Variants in CNTN5 observed in about 807,000 individuals in gnomAD.
The protein encoded by CNTN5 is contactin-5.
In CNTN5, 77 loss-of-function variants were observed where a neutral mutation model predicts 129.1. The ratio of observed to expected loss-of-function variants is 0.60; its 90% CI spans 0.50 to 0.72. The LOEUF is 0.72. Ranked by LOEUF, CNTN5 falls within the 30% of genes least tolerant of loss-of-function variation. The pLI is 0.00. For synonymous variants in CNTN5, 509 were observed against 465.6 expected (o/e 1.09, Z -1.20); for missense variants, 1,478 against 1,328.8 (o/e 1.11, Z -1.75).
At chr11:99,592,045 A>G (rs184892817) in intron 3 of CNTN5, among the ~76,000 whole-genome samples, 39 of 152,346 alleles carry the variant, frequency 2.6e-4, no homozygotes, top group African/African-American at 8.4e-4. Context: ...ACTGTTTACT[A>G]AAGGGTGAAG....
intron 15 of CNTN5, among the ~76,000 whole-genome samples, chr11:100,222,181 G>A (rs1023585326): frequency 6.6e-6 from 1 of 152,160 alleles, no homozygotes; most frequent in African/African-American, 2.4e-5. Context: ...GGCCCAAAAT[G>A]AGACGATTTT....
At chr11:99,152,668 G>A (rs1447418903) in intron 1 of CNTN5, among the ~76,000 whole-genome samples, 4 of 152,210 alleles carry the variant, frequency 2.6e-5, no homozygotes, top group African/African-American at 9.6e-5. Context: ...GATATGTGCA[G>A]ATTTGATCCT....
At chr11:99,403,523 G>T (rs1313764187) in intron 2 of CNTN5, among the ~76,000 whole-genome samples, 1 of 151,880 alleles carries the variant, frequency 6.6e-6, no homozygotes, top group Non-Finnish European at 1.5e-5. Flanking sequence ...TGCTGCTTTT[G>T]CTCTGTCCCA....
At chr11:99,695,140 TAGAG>T (rs1238396342) in intron 3 of CNTN5, among the ~76,000 whole-genome samples, 7 of 151,968 alleles carry the variant, frequency 4.6e-5, no homozygotes, top group South Asian at 2.1e-4. Flanking sequence ...AGAAGGGTAA[TAGAG>T]AGAAATTCCA....
chr11:99,936,924 T>G (rs1950328303), intron 7 of CNTN5, among the ~76,000 whole-genome samples: 1 of 152,174 alleles, frequency 6.6e-6, no homozygotes, highest in South Asian at 2.1e-4. Context: ...AATGTACATT[T>G]CATTAGCAAG....
intron 3 of CNTN5, among the ~76,000 whole-genome samples, chr11:99,566,596 A>G (rs1294704513): frequency 6.6e-6 from 1 of 152,220 alleles, no homozygotes; most frequent in Non-Finnish European, 1.5e-5. Flanking sequence ...TGAGATGGAA[A>G]GACACAGAGA....
At chr11:99,730,000 G>A (rs921351906) in intron 3 of CNTN5, among the ~76,000 whole-genome samples, 1 of 152,032 alleles carries the variant, frequency 6.6e-6, no homozygotes, top group Non-Finnish European at 1.5e-5. Flanking sequence ...GTGCCATAGT[G>A]GTTTGCTGCA....
chr11:99,735,957 C>A lies in CNTN5; in HGVS notation c.56-83587C>A, dbSNP rs554007882. Among the ~76,000 whole-genome samples, 13 of 152,298 alleles carry A rather than the reference C, an allele frequency of 8.5e-5. No individual in the cohort carries two copies. The South Asian group carries it at 1.5e-3, about 17-fold the overall frequency. On this transcript the variant is annotated intron_variant, in intron 3 of 24. Transcript: ENST00000524871. The stretch of plus-strand genomic sequence containing the variant: ...TCATCCTCCCCCAGCCCCTGACAAC[C>A]ACCGTTCTGCTCTGCTTCTACGAAC...
rs149521478 is a variant in CNTN5 at position 100,057,553 on chromosome 11, A to G, written c.981-3659A>G. 6.8e-3 allele frequency among the ~76,000 whole-genome samples: 1,040 copies of G among 152,024 alleles called. 11 individuals are homozygous for G. The highest frequency in any genetic ancestry group is 0.022 in the African/African-American group (926 of 41,556). ...CATTTATTAACAATATACCAAACAT[A>G]TGAGGCACTGGGGACATACTGCTTT... On this transcript the variant is annotated intron_variant, in intron 9 of 24. Transcript: ENST00000524871.
At chr11:99,710,567 A>ATGTGTGTGTG (rs71050018) in intron 3 of CNTN5, among the ~76,000 whole-genome samples, 6 of 140,472 alleles carry the variant, frequency 4.3e-5, no homozygotes, top group African/African-American at 1.6e-4. Flanking sequence ...GTGTGTGTGC[A>ATGTGTGTGTG]TGTGTGTGTG....
chr11:99,467,307 C>G (rs1404621643), intron 2 of CNTN5, among the ~76,000 whole-genome samples: 1 of 151,992 alleles, frequency 6.6e-6, no homozygotes, highest in African/African-American at 2.4e-5. Context: ...GCAGTTTTTA[C>G]TATTTACTTT....
At chr11:100,046,706 A>G (rs1351923980) in intron 9 of CNTN5, among the ~76,000 whole-genome samples, 3 of 152,136 alleles carry the variant, frequency 2.0e-5, no homozygotes, top group Non-Finnish European at 4.4e-5. Context: ...TCCCCTATTA[A>G]AACAATTTTG....
intron 1 of CNTN5, among the ~76,000 whole-genome samples, chr11:99,132,983 C>T (rs765241864): frequency 3.9e-5 from 6 of 152,068 alleles, no homozygotes; most frequent in Non-Finnish European, 7.4e-5. Flanking sequence ...GCTGGAGGCA[C>T]CATGTTACCC....
chr11:99,693,125 G>A (rs1427220304), intron 3 of CNTN5, among the ~76,000 whole-genome samples: 1 of 152,136 alleles, frequency 6.6e-6, no homozygotes, highest in Non-Finnish European at 1.5e-5. Context: ...ATGTAAATAT[G>A]TACTTCTAGC....
chr11:99,695,397 A>G (rs1954225864), intron 3 of CNTN5, among the ~76,000 whole-genome samples: 1 of 152,114 alleles, frequency 6.6e-6, no homozygotes, highest in African/African-American at 2.4e-5. Context: ...CCATGTGAAG[A>G]TAGACACCAG....
intron 16 of CNTN5, among the ~76,000 whole-genome samples, chr11:100,244,282 A>G (rs1345088421): frequency 6.6e-6 from 1 of 152,150 alleles, no homozygotes. Flanking sequence ...CCAACAAAAT[A>G]GTCATCTTTT....
intron 13 of CNTN5, among the ~76,000 whole-genome samples, chr11:100,140,639 G>A (rs1264254027): frequency 1.3e-5 from 2 of 152,130 alleles, no homozygotes; most frequent in African/African-American, 4.8e-5. Flanking sequence ...GTGAAGAGCC[G>A]AGATGAGTTA....
intron 3 of CNTN5, among the ~76,000 whole-genome samples, chr11:99,777,552 GC>G (rs1293205649): frequency 1.3e-5 from 2 of 151,784 alleles, no homozygotes; most frequent in East Asian, 3.9e-4. Flanking sequence ...TTACTTGAAA[GC>G]AATTTTATAT....
Position 100,286,044 on chromosome 11 carries a change from C to T in CNTN5, c.2315-11581C>T, listed in dbSNP as rs569323796. Among the ~76,000 whole-genome samples the T allele has an allele frequency of 3.6e-3, 549 of 152,304 alleles. 13 individuals carry two copies. Among genetic ancestry groups the T allele is most frequent in the East Asian group, 2.3e-3 (12 of 5,154 alleles). On this transcript the variant is annotated intron_variant, in intron 18 of 24. Coordinates refer to ENST00000524871, the MANE Select transcript of CNTN5 (RefSeq NM_014361.4). ...CTCCCACCCTAATACTGCGCTTTTC[C>T]GATAGGCTTAAAAAACGGCCCAACA...
Sources: gnomAD v4.1 joint callset for allele counts (sites outside exome capture counted in the v4.1 genomes callset) on GRCh38, gnomAD v4.1.1 for gene constraint, MANE v1.5 for transcripts, NCBI Gene and HGNC (gene_info 2026-07-23, HGNC 2026-07-21) for gene names.